The following PXDNL variants were observed in gnomAD, a reference collection of about 807,000 sequenced individuals.
PXDNL encodes probable oxidoreductase PXDNL.
A neutral mutation model predicts 150.8 loss-of-function variants in PXDNL; 145 were observed. The observed-to-expected ratio is 0.96, with a 90% confidence interval of 0.84 to 1.10. The LOEUF (loss-of-function observed/expected upper bound fraction) is 1.10. Among genes scored for constraint, PXDNL ranks in the 50% least tolerant of loss-of-function variants. The pLI is 0.00. For missense variants in PXDNL, 2,087 were observed against 1,873.9 expected (o/e 1.11, Z -2.10); for synonymous variants, 757 against 725.7 (o/e 1.04, Z -0.69).
chr8:51,641,743 T>G (rs1027307187), intron 2 of PXDNL, among the ~76,000 whole-genome samples: 1 of 151,910 alleles, frequency 6.6e-6, no homozygotes, highest in Non-Finnish European at 1.5e-5. Context: ...TAGGAACACT[T>G]TTACACTCTT....
chr8:51,764,746 T>C (rs2037206689), intron 1 of PXDNL, among the ~76,000 whole-genome samples: 1 of 152,228 alleles, frequency 6.6e-6, no homozygotes, highest in Admixed American at 6.5e-5. Context: ...TCCTAGAGCA[T>C]GTTTTATGTG....
At chr8:51,402,035 G>A (rs2977013) in intron 17 of PXDNL, among the ~76,000 whole-genome samples, 85,239 of 152,094 alleles carry the variant, frequency 0.56, 27,828 homozygotes, top group Non-Finnish European at 0.71. Context: ...TCGGGCAAAG[G>A]AAGACAAAGA....
intron 1 of PXDNL, among the ~76,000 whole-genome samples, chr8:51,742,848 C>T (rs995824592): frequency 1.3e-5 from 2 of 151,964 alleles, no homozygotes; most frequent in East Asian, 1.9e-4. Flanking sequence ...GACCCAAGCC[C>T]GAAGCACTTG....
At chr8:51,610,814 A>G (rs1433666785) in intron 2 of PXDNL, among the ~76,000 whole-genome samples, 2 of 152,192 alleles carry the variant, frequency 1.3e-5, no homozygotes, top group Admixed American at 1.3e-4. Flanking sequence ...CTCCATAGGC[A>G]TCTCATGGCA....
chr8:51,675,730 T>C (rs1276870212), intron 1 of PXDNL, among the ~76,000 whole-genome samples: 8 of 142,816 alleles, frequency 5.6e-5, no homozygotes, highest in Non-Finnish European at 1.1e-4. Flanking sequence ...GAGGCAGAGG[T>C]TGCAGTGAGC....
chr8:51,457,988 A>G (rs865849500), intron 8 of PXDNL, among the ~76,000 whole-genome samples: 3 of 152,156 alleles, frequency 2.0e-5, no homozygotes, highest in Non-Finnish European at 1.5e-5. Flanking sequence ...ACATTTTTAT[A>G]TATTTGAATG....
intron 14 of PXDNL, among the ~76,000 whole-genome samples, chr8:51,413,556 A>G (rs1048280447): frequency 6.6e-5 from 10 of 152,144 alleles, no homozygotes; most frequent in Admixed American, 1.3e-4. Context: ...ACAGGATCCA[A>G]GTATGTCAGC....
chr8:51,408,678 G>A lies in PXDNL; in HGVS notation c.2946C>T (p.Ala982=), dbSNP rs141024159. Residue 982 remains alanine, a synonymous_variant, in exon 17 of 23, where the codon GCC becomes GCT. Coordinates refer to ENST00000356297, the MANE Select transcript of PXDNL (RefSeq NM_144651.5). ...GGGGGTTCAGGGCGGACAGCTCCGT[G>A]GCCATCCTGTTGTGTTCCCGGAACC... ...TLWFREHNRM[A]TELSALNPHW... 20,613 of 1,600,496 alleles carry A rather than the reference G, an allele frequency of 0.013. 167 individuals carry two copies. Among genetic ancestry groups the A allele is most frequent in the Middle Eastern group, 0.014 (87 of 6,048 alleles).
chr8:51,558,433 G>A (rs1404507307), intron 3 of PXDNL, among the ~76,000 whole-genome samples: 1 of 152,048 alleles, frequency 6.6e-6, no homozygotes, highest in Non-Finnish European at 1.5e-5. Flanking sequence ...TAGACTATTA[G>A]AATGTTGAGA....
chr8:51,713,851 T>C (rs567820597), intron 1 of PXDNL, among the ~76,000 whole-genome samples: 44 of 152,300 alleles, frequency 2.9e-4, no homozygotes, highest in Middle Eastern at 3.4e-3. Flanking sequence ...TCCAAGCAAA[T>C]AGTCACTTGT....
intron 1 of PXDNL, among the ~76,000 whole-genome samples, chr8:51,774,780 T>G (rs977225530): frequency 6.6e-6 from 1 of 152,112 alleles, no homozygotes; most frequent in Non-Finnish European, 1.5e-5. Flanking sequence ...ATCACGCCAC[T>G]GCACTCCAGC....
rs73678556 is a variant in PXDNL at position 51,398,154 on chromosome 8, C to T, written c.3557+9913G>A. On this transcript the variant is annotated intron_variant, in intron 17 of 22. Transcript: ENST00000356297. ...ACACTGGACAACAAGCAGCCTAAGA[C>T]TGGGGAGCCTGAGAAGAGGGAAACT... Among the ~76,000 whole-genome samples the T allele has an allele frequency of 5.4e-3, 824 of 152,312 alleles. 7 individuals are homozygous for T. Among genetic ancestry groups the T allele is most frequent in the African/African-American group, 0.019 (798 of 41,570 alleles).
chr8:51,696,821 A>ATC (rs56211980), intron 1 of PXDNL, among the ~76,000 whole-genome samples: 1 of 145,992 alleles, frequency 6.8e-6, no homozygotes, highest in Non-Finnish European at 1.5e-5. Flanking sequence ...ACACACACAC[A>ATC]CACACACACA....
At chr8:51,753,607 T>C (rs1332782934) in intron 1 of PXDNL, among the ~76,000 whole-genome samples, 1 of 152,130 alleles carries the variant, frequency 6.6e-6, no homozygotes, top group Non-Finnish European at 1.5e-5. Context: ...CACTAAAAGG[T>C]TCATTGGGTT....
chr8:51,509,327 C>T (rs868700761), intron 4 of PXDNL, among the ~76,000 whole-genome samples: 15 of 152,068 alleles, frequency 9.9e-5, no homozygotes, highest in African/African-American at 3.6e-4. Flanking sequence ...CATTATAAGG[C>T]CTGTTGGATC....
At chr8:51,627,563 A>G (rs753761340) in intron 2 of PXDNL, among the ~76,000 whole-genome samples, 3 of 152,176 alleles carry the variant, frequency 2.0e-5, no homozygotes, top group Non-Finnish European at 4.4e-5. Flanking sequence ...CAGCAAACAT[A>G]AAATAGTAGG....
chr8:51,534,286 G>A (rs1421356406), intron 4 of PXDNL, among the ~76,000 whole-genome samples: 3 of 141,242 alleles, frequency 2.1e-5, no homozygotes, highest in East Asian at 4.4e-4. Flanking sequence ...CCCTCCGTCC[G>A]GCAGCCACCC....
At chr8:51,403,097 A>C (rs1280878353) in intron 17 of PXDNL, among the ~76,000 whole-genome samples, 1 of 151,758 alleles carries the variant, frequency 6.6e-6, no homozygotes, top group Non-Finnish European at 1.5e-5. Context: ...CCAAAAAAAA[A>C]AAAAAAGAAA....
At chr8:51,447,195 G>T (rs1264891864) in intron 11 of PXDNL, 33 bp from the exon 12 acceptor site, 1 of 1,602,380 alleles carries the variant, frequency 6.2e-7, no homozygotes, top group African/African-American at 1.3e-5. Context: ...TATTCTTCAT[G>T]GCCCAGAGCA....
Sources: gnomAD v4.1 joint callset for allele counts (sites outside exome capture counted in the v4.1 genomes callset) on GRCh38, gnomAD v4.1.1 for gene constraint, MANE v1.5 for transcripts, NCBI Gene and HGNC (gene_info 2026-07-23, HGNC 2026-07-21) for gene names.